The following BEND2 variants were observed in gnomAD, a reference collection of about 807,000 sequenced individuals.
The protein encoded by BEND2 is BEN domain containing 2.
A neutral mutation model predicts 43.8 loss-of-function variants in BEND2; 19 were observed. The observed-to-expected ratio is 0.43, with a 90% CI of 0.30 to 0.64. The LOEUF is 0.64. Among genes scored for constraint, BEND2 ranks in the 30% least tolerant of loss-of-function variants. BEND2 has a pLI of 0.11. For synonymous variants in BEND2, 226 were observed against 210.1 expected (o/e 1.08, Z -0.66); for missense variants, 544 against 574.0 (o/e 0.95, Z 0.53).
chrX:18,169,875 G>C lies in BEND2; in HGVS notation c.2185+1126C>G, dbSNP rs779115775. ...TCAGTGAGAGATAAAATGATAAAAG[G>C]CTTAGGAAAATATTTTTCATCAACT... On this transcript the variant is annotated intron_variant, in intron 13 of 13. Coordinates refer to ENST00000380033, the MANE Select transcript of BEND2 (RefSeq NM_153346.5). Among the ~76,000 whole-genome samples the C allele has an allele frequency of 4.5e-5, 5 of 111,749 alleles. No homozygotes were observed. In the East Asian group the frequency reaches 1.4e-3, roughly 31 times the overall value.
At chrX:18,201,359 G>T (rs1925138857) in intron 6 of BEND2, among the ~76,000 whole-genome samples, 1 of 71,321 alleles carries the variant, frequency 1.4e-5, no homozygotes, top group African/African-American at 5.7e-5. Context: ...TCGCACCATT[G>T]TACTCCAGCC....
At chrX:18,178,086 C>T (rs1602029745) in intron 9 of BEND2, among the ~76,000 whole-genome samples, 1 of 111,715 alleles carries the variant, frequency 9.0e-6, no homozygotes, top group South Asian at 3.8e-4. Context: ...GCTGCAGGTG[C>T]ATATGTAAAC....
intron 8 of BEND2, among the ~76,000 whole-genome samples, chrX:18,190,149 C>T (rs780965644): frequency 6.3e-4 from 70 of 111,701 alleles, no homozygotes; most frequent in African/African-American, 2.3e-3. Flanking sequence ...CACAGCCACT[C>T]TGGAAATAGT....
At chrX:18,212,197 C>A (rs780878435) in intron 4 of BEND2, among the ~76,000 whole-genome samples, 1 of 105,472 alleles carries the variant, frequency 9.5e-6, no homozygotes, top group Non-Finnish European at 1.9e-5. Context: ...GGGGTTCAAG[C>A]GATTCTCCTG....
intron 12 of BEND2, among the ~76,000 whole-genome samples, chrX:18,172,977 A>C (rs1952352435): frequency 1.8e-5 from 2 of 111,595 alleles, no homozygotes; most frequent in Non-Finnish European, 3.8e-5. Context: ...TCACAGGAAA[A>C]AAAAACTGAA....
intron 8 of BEND2, among the ~76,000 whole-genome samples, chrX:18,188,380 A>T (rs903650681): frequency 5.5e-5 from 6 of 109,746 alleles, no homozygotes; most frequent in East Asian, 2.9e-4. Flanking sequence ...AAAGTATAAT[A>T]AAAAAAAAGA....
At chrX:18,165,551 G>A (rs1923801726) in intron 13 of BEND2, among the ~76,000 whole-genome samples, 1 of 111,831 alleles carries the variant, frequency 8.9e-6, no homozygotes, top group South Asian at 3.8e-4. Context: ...CGTCTAGCAC[G>A]TCACTCATCA....
In BEND2 at chrX:18,165,029, C is replaced by T. The variant is rs1208332731; in HGVS notation, c.2380G>A (p.Ala794Thr). ...EQESKPGDPD[A>T]TDPST ...GCCGTTCAGGTGCTTGGGTCAGTGGCGTCGGGATCTCCTGGCTTTGACTCC... is the reference window on the plus strand; with the variant it reads ...GCCGTTCAGGTGCTTGGGTCAGTGGTGTCGGGATCTCCTGGCTTTGACTCC... The change falls in exon 14 of 14, where the codon GCC becomes ACC. Residue 794 changes from alanine to threonine, a missense_variant. Transcript: ENST00000380033. The T allele has an allele frequency of 5.0e-6, 6 of 1,208,311 alleles. No individual in the cohort carries two copies. The East Asian group carries it at 8.9e-5, about 18-fold the overall frequency.
At position 18,195,441 on chromosome X, in the gene BEND2, AGCTATTGG is replaced by A; in HGVS notation, c.1034-7_1034del. On this transcript the variant is annotated splice_acceptor_variant and splice_polypyrimidine_tract_variant and coding_sequence_variant and intron_variant, in exon 7 of 14. Coordinates refer to ENST00000380033, the MANE Select transcript of BEND2 (RefSeq NM_153346.5). LOFTEE classifies it high-confidence loss of function. ...GCATTTCAGTAAGTATAATTTTCTC[AGCTATTGG>A]GAAAAAAAAAGAATGCTCAATCATA... is the stretch of plus-strand genomic sequence containing the variant. The A allele has an allele frequency of 1.7e-6, 2 of 1,194,507 alleles. No individual in the cohort carries two copies.
At chrX:18,219,920 C>G (rs1214086990) in intron 1 of BEND2, among the ~76,000 whole-genome samples, 1 of 110,984 alleles carries the variant, frequency 9.0e-6, no homozygotes, top group Non-Finnish European at 1.9e-5. Flanking sequence ...CAAAACAAAA[C>G]AAAACAAAAC....
At chrX:18,218,839 G>A (rs1925753309) in intron 1 of BEND2, among the ~76,000 whole-genome samples, 1 of 111,909 alleles carries the variant, frequency 8.9e-6, no homozygotes, top group Admixed American at 9.5e-5. Context: ...CAGCCTGGGC[G>A]ACAGAGAGAG....
Position 18,201,814 on chromosome X carries a change from C to T in BEND2, c.1033+1G>A, listed in dbSNP as rs780900105. On this transcript the variant is annotated splice_donor_variant, in intron 6 of 13. Coordinates refer to ENST00000380033, the MANE Select transcript of BEND2 (RefSeq NM_153346.5). LOFTEE classifies it high-confidence loss of function. ...AGCATTATGTATCATTTCAAACTCA[C>T]CAAAATAGGGAGGGATGAAGACAGA... The T allele has an allele frequency of 4.2e-6, 5 of 1,202,225 alleles. No individual in the cohort carries two copies. The East Asian group carries it at 1.5e-4, about 36-fold the overall frequency.
chrX:18,198,616 A>G (rs888779396), intron 6 of BEND2, among the ~76,000 whole-genome samples: 19 of 111,741 alleles, frequency 1.7e-4, no homozygotes, highest in African/African-American at 6.2e-4. Context: ...ACTGGAAACT[A>G]GTTCAACCCT....
intron 9 of BEND2, among the ~76,000 whole-genome samples, chrX:18,179,980 C>A (rs756816648): frequency 9.0e-6 from 1 of 111,615 alleles, no homozygotes; most frequent in African/African-American, 3.2e-5. Context: ...AGTTTGATAA[C>A]AGCCTGGCCA....
chrX:18,205,605 C>CAAA (rs147435323), intron 4 of BEND2, among the ~76,000 whole-genome samples: 4 of 24,160 alleles, frequency 1.7e-4, no homozygotes, highest in Non-Finnish European at 1.9e-4. Context: ...GACCCTGTCT[C>CAAA]AAAAAAAAAA....
intron 5 of BEND2, among the ~76,000 whole-genome samples, chrX:18,202,982 T>A (rs1925214219): frequency 9.0e-6 from 1 of 111,371 alleles, no homozygotes; most frequent in Admixed American, 9.6e-5. Context: ...CTTGGTTGAG[T>A]CTCCAGGGGA....
chrX:18,188,072 C>A (rs1924631954), intron 8 of BEND2, among the ~76,000 whole-genome samples: 1 of 110,429 alleles, frequency 9.1e-6, no homozygotes, highest in African/African-American at 3.3e-5. Context: ...GTGCCTACAT[C>A]AAAAAAGAAG....
In BEND2 at chrX:18,189,335, T is replaced by C. The variant is rs1366703237; in HGVS notation, c.1288+1666A>G. Reference sequence around the variant, plus strand: ...CCAGCCTGAGCAATACAACAAGATTTTGTCTCTACAAAAAAAATTTAAAAA... The same window carrying C: ...CCAGCCTGAGCAATACAACAAGATTCTGTCTCTACAAAAAAAATTTAAAAA... On this transcript the variant is annotated intron_variant, in intron 8 of 13. Coordinates refer to ENST00000380033, the MANE Select transcript of BEND2 (RefSeq NM_153346.5). Among the ~76,000 whole-genome samples the C allele has an allele frequency of 8.1e-5, 9 of 110,673 alleles. No individual in the cohort carries two copies. In the Admixed American group the frequency reaches 8.7e-4, roughly 11 times the overall value.
In BEND2 at chrX:18,174,013, T is replaced by C; in HGVS notation, c.1981+17A>G. 1 of 1,177,204 alleles carries C rather than the reference T, an allele frequency of 8.5e-7. No homozygotes were observed. Among genetic ancestry groups the C allele is most frequent in the Admixed American group, 2.3e-5 (1 of 44,054 alleles). ...GCAAGAGAACTTATTTAAATATAAG[T>C]TTTTAAAAAAACTCACTCCATGCTT... On this transcript the variant is annotated intron_variant, in intron 12 of 13. Transcript: ENST00000380033.
Sources: gnomAD v4.1 joint callset for allele counts (sites outside exome capture counted in the v4.1 genomes callset) on GRCh38, gnomAD v4.1.1 for gene constraint, MANE v1.5 for transcripts, NCBI Gene and HGNC (gene_info 2026-07-23, HGNC 2026-07-21) for gene names.